Variants in C5 observed in about 807,000 individuals in gnomAD.
C5 encodes complement C5.
Under a neutral mutation model 218.8 loss-of-function variants are expected in C5, and 140 were observed. That is an observed-to-expected ratio of 0.64 (90% CI 0.56 to 0.74). The LOEUF is 0.74. C5 is among the 30% of genes least tolerant of loss of function. The pLI is 0.00. For synonymous variants in C5, 614 were observed against 682.3 expected, an observed-to-expected ratio of 0.90 and a Z score of 1.56; for missense variants, 1,700 against 1,969.6, an observed-to-expected ratio of 0.86 and a Z score of 2.59.
chr9:121,014,294 G>T (rs1056376732), intron 16 of C5, among the ~76,000 whole-genome samples: 1 of 152,286 alleles, frequency 6.6e-6, no homozygotes, highest in Non-Finnish European at 1.5e-5. Flanking sequence ...TGGTTAAAGG[G>T]TTTCCTGCAA....
At position 121,002,308 on chromosome 9, in the gene C5, A is replaced by ATGTGTGTG. The variant is rs71370613; in HGVS notation, c.2562+3603_2562+3610dup. The stretch of plus-strand genomic sequence containing the variant: ...TATATATGTATATATGTATATATAT[A>ATGTGTGTG]TGTGTGTGTATATATATATATATAT... On this transcript the variant is annotated intron_variant, in intron 20 of 40. Transcript: ENST00000223642. Among the ~76,000 whole-genome samples the ATGTGTGTG allele has an allele frequency of 2.5e-4, 17 of 66,934 alleles. 1 individual carries two copies. In the East Asian group the frequency reaches 4.1e-3, roughly 16 times the overall value. 43.9% of individuals were successfully genotyped at this position (66,934 alleles called of 152,430 possible). A position where few individuals can be genotyped will look rare whatever the true frequency, so the allele number is the denominator to read the frequency against.
Position 121,017,653 on chromosome 9 carries a change from T to G in C5, c.1706A>C (p.Asn569Thr). 1 of 1,613,220 alleles carries G rather than the reference T, an allele frequency of 6.2e-7. No individual in the cohort carries two copies. Among genetic ancestry groups the G allele is most frequent in the Non-Finnish European group, 8.5e-7 (1 of 1,179,412 alleles). The change falls in exon 13 of 41, where the codon AAC becomes ACC. Residue 569 changes from asparagine to threonine, a missense_variant. Asn to Thr is a moderately conservative substitution (Grantham distance 65). Transcript: ENST00000223642. ...TAATTTGTGGCTTACCTGGAGCTGG[T>G]TGCCACATTTTTCTTCAATATTTAA... The part of the protein sequence containing the change: ...VWLNIEEKCG[N>T]QLQVHLSPDA...
chr9:120,984,010 C>A (rs1181736190), intron 25 of C5, among the ~76,000 whole-genome samples: 1 of 152,076 alleles, frequency 6.6e-6, no homozygotes, highest in Admixed American at 6.5e-5. Flanking sequence ...CTGTACTTGG[C>A]TTTTTTTCCA....
chr9:121,052,925 A>G (rs2047679919), upstream of C5, among the ~76,000 whole-genome samples: 1 of 152,234 alleles, frequency 6.6e-6, no homozygotes, highest in Non-Finnish European at 1.5e-5. Context: ...TATCATGTAT[A>G]ATTTTCAAAA....
chr9:120,980,918 C>G (rs938333672), intron 27 of C5, among the ~76,000 whole-genome samples: 13 of 152,104 alleles, frequency 8.5e-5, no homozygotes, highest in Non-Finnish European at 1.3e-4. Flanking sequence ...TTTTATTGTT[C>G]CCTCTCAGCG....
the C5 span, among the ~76,000 whole-genome samples, chr9:121,065,322 A>G: frequency 6.6e-6 from 1 of 152,214 alleles, no homozygotes; most frequent in South Asian, 2.1e-4. Context: ...ATATATTTTT[A>G]TAGGTAGAGA....
intron 3 of C5, 40 bp downstream of exon 3, chr9:121,042,964 C>T: frequency 6.4e-7 from 1 of 1,554,194 alleles, no homozygotes; most frequent in Non-Finnish European, 8.9e-7. Flanking sequence ...TCAATACTGT[C>T]AAATCCCCCA....
At chr9:121,001,352 G>T (rs555722109) in intron 20 of C5, among the ~76,000 whole-genome samples, 45 of 152,188 alleles carry the variant, frequency 3.0e-4, no homozygotes, top group Admixed American at 6.5e-4. Flanking sequence ...TAGTATATAG[G>T]ATATCATAGA....
rs1307833178 is a variant in C5, at chr9:120,960,258, C to T, written c.4668G>A (p.Glu1556=). 6.2e-7 allele frequency: 1 copy of T among 1,609,686 alleles called. No individual in the cohort carries two copies. Among genetic ancestry groups the T allele is most frequent in the Non-Finnish European group, 8.5e-7 (1 of 1,176,464 alleles). The stretch of plus-strand genomic sequence containing the variant: ...AACTTTTGAACTCACCATATGCAAT[C>T]TCTGGTTTACATGCTGTTTGTTTTC... ...ETRKQTACKP[E]IAYAYKVSIT... is the part of the protein sequence containing the mutation. Residue 1556 remains glutamate (E), a synonymous_variant, in exon 38 of 41, where the codon GAG becomes GAA. Coordinates refer to ENST00000223642, the MANE Select transcript of C5 (RefSeq NM_001735.3).
intron 27 of C5, among the ~76,000 whole-genome samples, chr9:120,981,017 G>A (rs1444935677): frequency 1.3e-5 from 2 of 152,206 alleles, no homozygotes; most frequent in African/African-American, 4.8e-5. Flanking sequence ...AACCCTAACT[G>A]CCACAGTACT....
At chr9:121,002,328 A>G (rs1182238973) in intron 20 of C5, among the ~76,000 whole-genome samples, 67 of 112,822 alleles carry the variant, frequency 5.9e-4, no homozygotes, top group East Asian at 2.2e-3. Context: ...ATATATATAT[A>G]TATATATATA....
In C5 at chr9:121,001,203, T is replaced by C. The variant is rs2047158674; in HGVS notation, c.2563-3429A>G. ...GGCCAAGTACTATATTTACATGAATTAGCTCATTTAATCTTCAACTATGAA... is the reference window on the plus strand; with the variant it reads ...GGCCAAGTACTATATTTACATGAATCAGCTCATTTAATCTTCAACTATGAA... On this transcript the variant is annotated intron_variant, in intron 20 of 40. Coordinates refer to ENST00000223642, the MANE Select transcript of C5 (RefSeq NM_001735.3). Among the ~76,000 whole-genome samples, 4 of 152,192 alleles carry C rather than the reference T, an allele frequency of 2.6e-5. No individual in the cohort carries two copies. The South Asian group carries it at 8.3e-4, about 32-fold the overall frequency.
intron 8 of C5, 70 bp from the exon 9 acceptor site, chr9:121,025,650 C>T: frequency 2.1e-6 from 3 of 1,434,306 alleles, no homozygotes; most frequent in Non-Finnish European, 1.9e-6. Flanking sequence ...ATAAAATCTG[C>T]TTTTACTAAC....
At chr9:121,035,420 C>T (rs1175112112) in intron 4 of C5, among the ~76,000 whole-genome samples, 4 of 152,146 alleles carry the variant, frequency 2.6e-5, no homozygotes, top group African/African-American at 7.2e-5. Context: ...TGACAGTTCT[C>T]GTAAAGCTTC....
chr9:121,027,360 A>G, intron 7 of C5, 86 bp from the exon 8 acceptor site: 1 of 755,620 alleles, frequency 1.3e-6, no homozygotes, highest in Non-Finnish European at 2.3e-6. Flanking sequence ...AAATTACGTA[A>G]AGCACTTGAG....
intron 30 of C5, 118 bp from the exon 31 acceptor site, chr9:120,972,110 G>A: frequency 1.3e-6 from 1 of 781,294 alleles, no homozygotes; most frequent in South Asian, 1.4e-5. Context: ...GCTCTTCTGA[G>A]AGTAACTGGA....
intron 32 of C5, 139 bp from the exon 33 acceptor site, chr9:120,969,257 G>A: frequency 1.4e-6 from 1 of 726,834 alleles, no homozygotes; most frequent in South Asian, 1.5e-5. Context: ...TGGAAGTTTA[G>A]ATACTTTCAG....
chr9:120,989,903 C>A, intron 23 of C5, 123 bp from the exon 24 acceptor site: 1 of 748,226 alleles, frequency 1.3e-6, no homozygotes, highest in Non-Finnish European at 2.3e-6. Flanking sequence ...AGTTGACTTG[C>A]TTCTCAGAAA....
chr9:121,029,050 A>C (rs747727363), intron 7 of C5, among the ~76,000 whole-genome samples: 37 of 152,314 alleles, frequency 2.4e-4, no homozygotes, highest in Middle Eastern at 3.4e-3. Flanking sequence ...GTACGTGTCC[A>C]ATCTCACTGT....
Sources: allele counts gnomAD v4.1 joint callset (sites outside exome capture counted in the v4.1 genomes callset), GRCh38; gene constraint gnomAD v4.1.1; transcripts MANE v1.5; gene names NCBI Gene and HGNC (gene_info 2026-07-23, HGNC 2026-07-21).